Variants in CDC14B observed in about 807,000 individuals in gnomAD.
CDC14B encodes dual specificity protein phosphatase CDC14B.
In CDC14B, 22 loss-of-function variants were observed where a neutral mutation model predicts 64.2. That is an observed-to-expected ratio of 0.34 (90% confidence interval 0.24 to 0.49). CDC14B has a LOEUF of 0.49. Among genes scored for constraint, CDC14B ranks in the 20% least tolerant of loss-of-function variants. The probability of loss-of-function intolerance (pLI) is 0.99; values close to 1 mark genes in which losing one functional copy is unlikely to be tolerated. For synonymous variants in CDC14B, 191 were observed against 215.8 expected, an observed-to-expected ratio of 0.89 and a Z score of 1.01; for missense variants, 498 against 629.9, an observed-to-expected ratio of 0.79 and a Z score of 2.24.
At chr9:96,532,020 G>C (rs776276481) in intron 9 of CDC14B, among the ~76,000 whole-genome samples, 1 of 152,086 alleles carries the variant, frequency 6.6e-6, no homozygotes, top group Non-Finnish European at 1.5e-5. Flanking sequence ...GTTTTGCTTT[G>C]TCAGGAGGCT....
chr9:96,539,835 C>G (rs878999611), intron 6 of CDC14B, among the ~76,000 whole-genome samples: 12 of 152,250 alleles, frequency 7.9e-5, no homozygotes, highest in Admixed American at 7.8e-4. Flanking sequence ...GAGACAAGGA[C>G]AAACAGACCT....
intron 12 of CDC14B, 31 bp downstream of exon 12, chr9:96,522,475 C>T: frequency 7.0e-7 from 1 of 1,426,416 alleles, no homozygotes; most frequent in East Asian, 2.3e-5. Flanking sequence ...TATGAAGAAA[C>T]ATCAACCACA....
chr9:96,528,180 C>G (rs2131622001), intron 9 of CDC14B, among the ~76,000 whole-genome samples: 1 of 152,270 alleles, frequency 6.6e-6, no homozygotes, highest in Non-Finnish European at 1.5e-5. Context: ...ATTTCTTTAG[C>G]CTTCCTCTGA....
chr9:96,595,872 A>G (rs1846040110), intron 1 of CDC14B, among the ~76,000 whole-genome samples: 2 of 152,162 alleles, frequency 1.3e-5, no homozygotes, highest in African/African-American at 4.8e-5. Context: ...AATATATTAA[A>G]ATCAGATCAT....
intron 1 of CDC14B, among the ~76,000 whole-genome samples, chr9:96,598,314 C>T (rs977825509): frequency 6.6e-6 from 1 of 152,160 alleles, no homozygotes; most frequent in African/African-American, 2.4e-5. Flanking sequence ...TGGTAACCTA[C>T]TTTATTTGTG....
At chr9:96,497,974 A>G (rs1833323286), downstream of CDC14B, among the ~76,000 whole-genome samples, 1 of 152,166 alleles carries the variant, frequency 6.6e-6, no homozygotes, top group Non-Finnish European at 1.5e-5. Flanking sequence ...CGTCTTACAA[A>G]TTTTTGACCC....
intron 1 of CDC14B, among the ~76,000 whole-genome samples, chr9:96,603,897 G>A (rs1267274786): frequency 6.6e-6 from 1 of 152,202 alleles, no homozygotes; most frequent in East Asian, 1.9e-4. Context: ...GTAAGCATGT[G>A]ACACACAGAT....
At chr9:96,545,603 C>T (rs965882827) in intron 5 of CDC14B, among the ~76,000 whole-genome samples, 4 of 152,212 alleles carry the variant, frequency 2.6e-5, no homozygotes, top group Non-Finnish European at 2.9e-5. Flanking sequence ...TAGGCGTGAG[C>T]CACTGCGCCT....
At chr9:96,495,048 A>G (rs956585535) in intron 13 of CDC14B, among the ~76,000 whole-genome samples, 6 of 151,564 alleles carry the variant, frequency 4.0e-5, no homozygotes, top group African/African-American at 1.5e-4. Context: ...GTTAGCCAGG[A>G]TGGGCTCGAT....
chr9:96,585,635 T>C (rs529498248), intron 1 of CDC14B, among the ~76,000 whole-genome samples: 1 of 152,320 alleles, frequency 6.6e-6, no homozygotes, highest in African/African-American at 2.4e-5. Context: ...GGAGAAGATG[T>C]AGTGCAATTA....
chr9:96,513,830 G>A (rs1835242505), intron 12 of CDC14B, among the ~76,000 whole-genome samples: 1 of 152,124 alleles, frequency 6.6e-6, no homozygotes, highest in Non-Finnish European at 1.5e-5. Context: ...GTGTTGTTAT[G>A]GCCTAATTCT....
chr9:96,566,743 G>C, intron 1 of CDC14B: 1 of 1,597,460 alleles, frequency 6.3e-7, no homozygotes. Context: ...AGCCCCCAGG[G>C]GAAGCCCCCG....
chr9:96,560,232 C>T (rs866623546), intron 4 of CDC14B, among the ~76,000 whole-genome samples: 2 of 152,136 alleles, frequency 1.3e-5, no homozygotes, highest in South Asian at 2.1e-4. Flanking sequence ...GGAAGTGGCC[C>T]GGTCTGGCCC....
intron 1 of CDC14B, among the ~76,000 whole-genome samples, chr9:96,596,633 G>T (rs138199264): frequency 2.0e-5 from 3 of 152,070 alleles, no homozygotes; most frequent in South Asian, 4.1e-4. Flanking sequence ...GGCCAAGGAG[G>T]GGGGATTGCT....
rs202193145 is a variant in CDC14B at position 96,551,111 on chromosome 9, C to CTTTTTTTTTTTTTTTTTTTTTTTTT, written c.497+684_497+685insAAAAAAAAAAAAAAAAAAAAAAAAA. Among the ~76,000 whole-genome samples, 60 of 93,286 alleles carry CTTTTTTTTTTTTTTTTTTTTTTTTT rather than the reference C, an allele frequency of 6.4e-4. 6 individuals are homozygous for CTTTTTTTTTTTTTTTTTTTTTTTTT. The highest frequency in any genetic ancestry group is 1.3e-3 in the East Asian group (4 of 3,132). The allele number at this position is 93,286 out of a possible 152,430, so 61.2% of individuals were successfully genotyped here. A position where few individuals can be genotyped will look rare whatever the true frequency, so the allele number is the denominator to read the frequency against. ...TACAAAGCCTAGGTTTTGGGGTTTG[C>CTTTTTTTTTTTTTTTTTTTTTTTTT]TTTTTTTTTTTTTTTTTTTGAGACA... On this transcript the variant is annotated intron_variant, in intron 5 of 13. Coordinates refer to ENST00000375241, the MANE Select transcript of CDC14B (RefSeq NM_033331.4).
At chr9:96,578,450 C>T (rs191595966) in intron 1 of CDC14B, among the ~76,000 whole-genome samples, 22 of 152,276 alleles carry the variant, frequency 1.4e-4, no homozygotes, top group African/African-American at 5.3e-4. Flanking sequence ...CTATTTTAAC[C>T]AAATGCTCGT....
At chr9:96,565,583 T>C (rs984129662) in intron 1 of CDC14B, 100 bp from the exon 2 acceptor site, 4 of 820,478 alleles carry the variant, frequency 4.9e-6, no homozygotes, top group Admixed American at 3.7e-5. Context: ...TTTTCATTTT[T>C]TTCATGCACG....
chr9:96,604,069 A>G (rs2118881113), intron 1 of CDC14B, among the ~76,000 whole-genome samples: 1 of 152,280 alleles, frequency 6.6e-6, no homozygotes, highest in South Asian at 2.1e-4. Context: ...CTGGAAATGG[A>G]ACTTGAACGG....
intron 3 of CDC14B, among the ~76,000 whole-genome samples, chr9:96,563,931 AAG>A (rs761468499): frequency 1.3e-5 from 2 of 152,236 alleles, no homozygotes; most frequent in African/African-American, 2.4e-5. Flanking sequence ...GGCAAAAAAG[AAG>A]AGTCTCCAGC....
Sources: allele counts gnomAD v4.1 joint callset (sites outside exome capture counted in the v4.1 genomes callset), GRCh38; gene constraint gnomAD v4.1.1; transcripts MANE v1.5; gene names NCBI Gene and HGNC (gene_info 2026-07-23, HGNC 2026-07-21).